The following MOCOS variants were observed in gnomAD, a reference collection of about 807,000 sequenced individuals.
The protein encoded by MOCOS is human molybdenum cofactor sulfurase.
In MOCOS, 86 loss-of-function variants were observed where a neutral mutation model predicts 83.6. That is an observed-to-expected ratio of 1.03 (90% CI 0.86 to 1.23). The LOEUF (loss-of-function observed/expected upper bound fraction) is 1.23. Among genes scored for constraint, MOCOS ranks in the 50% most tolerant of loss-of-function variants. The pLI is 0.00. For missense variants in MOCOS, 1,120 were observed against 1,126.9 expected (o/e 0.99, Z 0.09); for synonymous variants, 445 against 434.7 (o/e 1.02, Z -0.29).
At chr18:36,209,128 C>T (rs1263956785) in intron 6 of MOCOS, among the ~76,000 whole-genome samples, 1 of 151,300 alleles carries the variant, frequency 6.6e-6, no homozygotes, top group Admixed American at 6.6e-5. Context: ...AGCTTTGCAT[C>T]CCAGGAATAA....
At position 36,215,685 on chromosome 18, in the gene MOCOS, A is replaced by G. The variant is rs1411719175; in HGVS notation, c.1505A>G (p.His502Arg). 2 of 1,614,190 alleles carry G rather than the reference A, an allele frequency of 1.2e-6. No homozygotes were observed. Among genetic ancestry groups the G allele is most frequent in the Non-Finnish European group, 1.7e-6 (2 of 1,180,026 alleles). ...SSGDWPVPQA[H>R]ADTGETGAPS... The stretch of plus-strand genomic sequence containing the variant: ...GGGGACTGGCCTGTCCCTCAGGCCC[A>G]TGCTGACACCGGGGAGACTGGAGCC... Residue 502 changes from histidine to arginine, a missense_variant, in exon 8 of 15, where the codon CAT becomes CGT. Coordinates refer to ENST00000261326, the MANE Select transcript of MOCOS (RefSeq NM_017947.4).
rs769396267 is a variant in MOCOS at position 36,215,733 on chromosome 18, A to C, written c.1553A>C (p.Asp518Ala). Reference sequence around the variant, plus strand: ...GCCCCATCAGCAGACAGCCAGGCTGATGTTATACCTGCTGTCATGGGCAGA... The same window carrying C: ...GCCCCATCAGCAGACAGCCAGGCTGCTGTTATACCTGCTGTCATGGGCAGA... ...TGAPSADSQA[D>A]VIPAVMGRRS... The change falls in exon 8 of 15, where the codon GAT becomes GCT. Residue 518 changes from aspartate (D) to alanine (A), a missense_variant. Transcript: ENST00000261326. 3 of 1,614,198 alleles carry C rather than the reference A, an allele frequency of 1.9e-6. No homozygotes were observed. Among genetic ancestry groups the C allele is most frequent in the East Asian group, 2.2e-5 (1 of 44,872 alleles).
chr18:36,245,801 A>G (rs1299987328), intron 9 of MOCOS, among the ~76,000 whole-genome samples: 1 of 152,178 alleles, frequency 6.6e-6, no homozygotes, highest in African/African-American at 2.4e-5. Context: ...CCAAAATTTC[A>G]TGGAGACTTT....
chr18:36,200,764 G>A (rs753124760), intron 4 of MOCOS, among the ~76,000 whole-genome samples: 4 of 152,210 alleles, frequency 2.6e-5, no homozygotes, highest in Non-Finnish European at 4.4e-5. Flanking sequence ...AGCATAGCTG[G>A]TTCTCCAGGA....
chr18:36,213,516 C>A lies in MOCOS; in HGVS notation c.1335+34C>A. 4 of 1,554,110 alleles carry A rather than the reference C, an allele frequency of 2.6e-6. No homozygotes were observed. The South Asian group carries it at 3.3e-5, about 13-fold the overall frequency. ...AGGGCTCTGCGATCCAGACGCTGGT[C>A]AGCGAGACCCAGCAACACCTGTTGC... On this transcript the variant is annotated intron_variant, in intron 7 of 14. Coordinates refer to ENST00000261326, the MANE Select transcript of MOCOS (RefSeq NM_017947.4).
intron 11 of MOCOS, among the ~76,000 whole-genome samples, chr18:36,251,629 T>C (rs1039366189): frequency 2.0e-5 from 3 of 152,208 alleles, no homozygotes; most frequent in Non-Finnish European, 2.9e-5. Context: ...CAAGGAAACC[T>C]GGCTTGCTAG....
At chr18:36,208,770 T>C (rs1443995676) in intron 6 of MOCOS, among the ~76,000 whole-genome samples, 1 of 152,202 alleles carries the variant, frequency 6.6e-6, no homozygotes, top group East Asian at 1.9e-4. Context: ...TCTTCCTATT[T>C]GGATGTCTTT....
intron 9 of MOCOS, among the ~76,000 whole-genome samples, chr18:36,241,222 C>T (rs555184108): frequency 1.3e-5 from 2 of 152,326 alleles, no homozygotes; most frequent in East Asian, 3.9e-4. Context: ...TCCAAAGTCT[C>T]ATCTGAGACA....
At position 36,205,294 on chromosome 18, in the gene MOCOS, C is replaced by T. The variant is rs1465903673; in HGVS notation, c.1218+18C>T. On this transcript the variant is annotated intron_variant, in intron 6 of 14. Coordinates refer to ENST00000261326, the MANE Select transcript of MOCOS (RefSeq NM_017947.4). ...ACTCCCAGGTGGGTTTTCTTTCCAT[C>T]CTGCTGACTTTATTACAACTCATCC... 1 of 1,602,366 alleles carries T rather than the reference C, an allele frequency of 6.2e-7. No individual in the cohort carries two copies. The highest frequency in any genetic ancestry group is 1.3e-5 in the African/African-American group (1 of 74,638).
intron 13 of MOCOS, among the ~76,000 whole-genome samples, chr18:36,263,586 A>G (rs946854212): frequency 6.6e-6 from 1 of 152,324 alleles, no homozygotes; most frequent in East Asian, 1.9e-4. Context: ...GTATGCAGTT[A>G]CATGACACAG....
intron 9 of MOCOS, among the ~76,000 whole-genome samples, chr18:36,245,996 T>C (rs372623547): frequency 1.1e-4 from 17 of 152,310 alleles, no homozygotes; most frequent in African/African-American, 3.4e-4. Context: ...TTCTTTATGA[T>C]ATCTATTTCT....
intron 1 of MOCOS, among the ~76,000 whole-genome samples, chr18:36,194,339 G>T (rs991632834): frequency 6.6e-5 from 10 of 152,182 alleles, no homozygotes; most frequent in African/African-American, 2.4e-4. Context: ...TATTTGATAA[G>T]TGAATGAATG....
At chr18:36,217,834 A>G (rs1237629385) in intron 8 of MOCOS, among the ~76,000 whole-genome samples, 4 of 152,172 alleles carry the variant, frequency 2.6e-5, no homozygotes, top group Admixed American at 1.3e-4. Flanking sequence ...TTTATTCCCA[A>G]CTAAACCCCC....
In MOCOS at chr18:36,252,130, C is replaced by T. The variant is rs376414542; in HGVS notation, c.2164+847C>T. On this transcript the variant is annotated intron_variant, in intron 11 of 14. Coordinates refer to ENST00000261326, the MANE Select transcript of MOCOS (RefSeq NM_017947.4). ...AAATAGCACCTGGCACATAGTTGCT[C>T]AATACATGGCTAGATGAATGAATGA... Among the ~76,000 whole-genome samples, 4 of 152,244 alleles carry T rather than the reference C, an allele frequency of 2.6e-5. No individual in the cohort carries two copies. In the East Asian group the frequency reaches 5.8e-4, roughly 22 times the overall value.
At chr18:36,238,219 T>G (rs1477758156) in intron 9 of MOCOS, among the ~76,000 whole-genome samples, 3 of 143,450 alleles carry the variant, frequency 2.1e-5, no homozygotes, top group African/African-American at 2.6e-5. Flanking sequence ...CTTTTAATTG[T>G]GATGTTAGGG....
At chr18:36,261,954 T>A (rs2091664840) in intron 13 of MOCOS, among the ~76,000 whole-genome samples, 1 of 152,106 alleles carries the variant, frequency 6.6e-6, no homozygotes, top group Non-Finnish European at 1.5e-5. Flanking sequence ...TAGACTGAGA[T>A]TACTCTCAGA....
chr18:36,220,304 C>A, intron 9 of MOCOS, 87 bp downstream of exon 9: 1 of 1,531,382 alleles, frequency 6.5e-7, no homozygotes, highest in Non-Finnish European at 8.9e-7. Context: ...GTTAGAATAA[C>A]CCATCAGCCT....
chr18:36,253,753 T>C (rs1434457304), intron 11 of MOCOS, among the ~76,000 whole-genome samples: 4 of 151,420 alleles, frequency 2.6e-5, no homozygotes, highest in African/African-American at 9.7e-5. Context: ...TTGGCATTCA[T>C]GGGCTCAGAG....
chr18:36,213,402 C>A lies in MOCOS; in HGVS notation c.1255C>A (p.Arg419=), dbSNP rs142150953. 2.5e-6 allele frequency: 4 copies of A among 1,614,098 alleles called. No homozygotes were observed. The highest frequency in any genetic ancestry group is 3.4e-6 in the Non-Finnish European group (4 of 1,180,004). ...GGCCAGTCTTTACAACATCCACCTG[C>A]GAACTGGCTGCTTCTGTAACACTGG... The part of the protein sequence containing the change: ...KMASLYNIHL[R]TGCFCNTGAC... Residue 419 remains arginine (R), a synonymous_variant, in exon 7 of 15, where the codon CGA becomes AGA. Transcript: ENST00000261326.
Sources: gnomAD v4.1 joint callset for allele counts (sites outside exome capture counted in the v4.1 genomes callset) on GRCh38, gnomAD v4.1.1 for gene constraint, MANE v1.5 for transcripts, NCBI Gene and HGNC (gene_info 2026-07-23, HGNC 2026-07-21) for gene names.